The following CNOT1 variants were observed in gnomAD, a reference collection of about 807,000 sequenced individuals.
The protein encoded by CNOT1 is CCR4-associated factor 1.
In CNOT1, 15 loss-of-function variants were observed where a neutral mutation model predicts 273.8. The observed-to-expected ratio is 0.05, with a 90% CI of 0.04 to 0.08. The LOEUF (loss-of-function observed/expected upper bound fraction) is 0.08. Among genes scored for constraint, CNOT1 ranks in the 10% least tolerant of loss-of-function variants. The pLI is 1.00. For synonymous variants in CNOT1, 1,022 were observed against 1,005.5 expected, an observed-to-expected ratio of 1.02 and a Z score of -0.31; for missense variants, 1,644 against 2,912.2, an observed-to-expected ratio of 0.56 and a Z score of 10.02.
chr16:58,609,808 C>G (rs2042826576), intron 1 of CNOT1, among the ~76,000 whole-genome samples: 1 of 151,604 alleles, frequency 6.6e-6, no homozygotes, highest in Admixed American at 6.6e-5. Context: ...CTTCTTTTAT[C>G]ATGAAGGAAT....
chr16:58,609,381 C>T (rs1409734370), intron 1 of CNOT1, among the ~76,000 whole-genome samples: 1 of 147,554 alleles, frequency 6.8e-6, no homozygotes, highest in South Asian at 2.1e-4. Flanking sequence ...CAAAAAAAAA[C>T]ACAACAAAAT....
At position 58,629,185 on chromosome 16, in the gene CNOT1, TG is replaced by T. The variant is rs1466234695; in HGVS notation, c.-175+542del. Among the ~76,000 whole-genome samples the T allele has an allele frequency of 3.3e-5, 5 of 151,882 alleles. No individual in the cohort carries two copies. In the South Asian group the frequency reaches 1.0e-3, roughly 31 times the overall value. ...AACCTGGGGGGCTTTGACAACGTGC[TG>T]GGGGCGTAAGACGGGGAGAGTGGCA... On this transcript the variant is annotated intron_variant, in intron 1 of 48. Transcript: ENST00000317147.
chr16:58,584,771 G>A (rs1190283739), intron 8 of CNOT1, among the ~76,000 whole-genome samples: 2 of 152,070 alleles, frequency 1.3e-5, no homozygotes, highest in Admixed American at 6.6e-5. Context: ...TAAAACATAA[G>A]GATTTTTAAG....
intron 8 of CNOT1, among the ~76,000 whole-genome samples, chr16:58,584,159 CTCCGTCTCAAAAAAAAAAAAAAA>C: frequency 6.8e-6 from 1 of 146,792 alleles, no homozygotes; most frequent in Non-Finnish European, 1.5e-5. Flanking sequence ...CAGAGCAACA[CTCCGTCTCAAAAAAAAAAAAAAA>C]ATTCAGTGGA....
intron 18 of CNOT1, among the ~76,000 whole-genome samples, chr16:58,557,905 G>C (rs186302569): frequency 6.6e-6 from 1 of 152,050 alleles, no homozygotes; most frequent in Non-Finnish European, 1.5e-5. Flanking sequence ...CAGGAGAATC[G>C]CTTGAACCTG....
chr16:58,609,090 C>A (rs1248309816), intron 1 of CNOT1, among the ~76,000 whole-genome samples: 1 of 152,122 alleles, frequency 6.6e-6, no homozygotes, highest in African/African-American at 2.4e-5. Flanking sequence ...AAAGAACTTA[C>A]TCGCCAGGGG....
In CNOT1 at chr16:58,525,313, G is replaced by A; in HGVS notation, c.6650C>T (p.Ala2217Val). Residue 2217 changes from alanine to valine, a missense_variant, in exon 46 of 49, where the codon GCA (alanine) becomes GTA (valine). By Grantham distance (64) the Ala-to-Val change is moderately conservative (BLOSUM62 0). Around this residue, in one of 13 missense-constraint regions of CNOT1, gnomAD observed 140 missense variants for 324.6 expected, o/e 0.43. Coordinates refer to ENST00000317147, the MANE Select transcript of CNOT1 (RefSeq NM_016284.5). Reference sequence around the variant, plus strand: ...CTGAGTCCCGACATAGAGCACCAGTGCATTGATGAGCTGGAGGTTGTAGCG... The same window carrying A: ...CTGAGTCCCGACATAGAGCACCAGTACATTGATGAGCTGGAGGTTGTAGCG... ...GNRYNLQLIN[A>V]LVLYVGTQAI... 1.2e-6 allele frequency: 2 copies of A among 1,613,772 alleles called. No homozygotes were observed. Among genetic ancestry groups the A allele is most frequent in the Non-Finnish European group, 1.7e-6 (2 of 1,180,018 alleles).
intron 43 of CNOT1, 86 bp from the exon 44 acceptor site, chr16:58,528,734 CTCAAAAGAATGAAG>C (rs2039680020): frequency 2.3e-6 from 2 of 864,600 alleles, no homozygotes; most frequent in African/African-American, 1.7e-5. Flanking sequence ...CCCCACCCCC[CTCAAAAGAATGAAG>C]TATACTTTAG....
At chr16:58,566,375 A>C (rs1015197754) in intron 16 of CNOT1, among the ~76,000 whole-genome samples, 1 of 152,310 alleles carries the variant, frequency 6.6e-6, no homozygotes, top group Admixed American at 6.5e-5. Flanking sequence ...ATCTTATTAA[A>C]TTTTTCAACA....
In CNOT1 at chr16:58,599,481, AGG is replaced by A. The variant is rs1187731432; in HGVS notation, c.-146_-145del. 1.0e-6 allele frequency: 1 copy of A among 965,018 alleles called. No homozygotes were observed. Among genetic ancestry groups the A allele is most frequent in the African/African-American group, 1.6e-5 (1 of 60,736 alleles). The allele number at this position is 965,018 out of a possible 1,614,324, so 59.8% of individuals were successfully genotyped here. ...ATAATATCTTCAGTTCTTCTTTACC[AGG>A]GGTCTTACTCTGTTCTGAAACATGG... On this transcript the variant is annotated 5_prime_UTR_variant, in exon 2 of 49. It removes the in-frame stop codon of an upstream open reading frame in the 5' UTR. Transcript: ENST00000317147.
At chr16:58,523,692 A>G in intron 46 of CNOT1, 190 bp from the exon 47 acceptor site, 1 of 465,378 alleles carries the variant, frequency 2.1e-6, no homozygotes, top group Non-Finnish European at 3.8e-6. Context: ...CACATTAGAA[A>G]TTAGATTTTA....
In CNOT1 at chr16:58,543,241, A is replaced by G. The variant is rs575631990; in HGVS notation, c.4434+366T>C. 2,220 of 1,540,360 alleles carry G rather than the reference A, an allele frequency of 1.4e-3. 3 individuals carry two copies. The highest frequency in any genetic ancestry group is 1.7e-3 in the Non-Finnish European group (2,000 of 1,143,924). On this transcript the variant is annotated intron_variant, in intron 31 of 48. Coordinates refer to ENST00000317147, the MANE Select transcript of CNOT1 (RefSeq NM_016284.5). ...TATTTGAAAAGTGTGTGCACATGCA[A>G]CATCACTTTAAGTCATTTTGTATCG...
chr16:58,538,459 G>C (rs1245622106), intron 36 of CNOT1, among the ~76,000 whole-genome samples, 193 bp from the exon 37 acceptor site: 1 of 152,184 alleles, frequency 6.6e-6, no homozygotes, highest in African/African-American at 2.4e-5. Context: ...CTAGGATACA[G>C]AGTATTCCAT....
chr16:58,596,917 A>AC (rs2042281639), intron 2 of CNOT1, among the ~76,000 whole-genome samples: 1 of 119,832 alleles, frequency 8.3e-6, no homozygotes, highest in East Asian at 2.4e-4. Context: ...AAAAAAAAAA[A>AC]CAAAAGTCAA....
intron 1 of CNOT1, among the ~76,000 whole-genome samples, chr16:58,609,409 CAA>C (rs1468913651): frequency 6.6e-6 from 1 of 151,712 alleles, no homozygotes; most frequent in African/African-American, 2.4e-5. Context: ...AACAAAAAAA[CAA>C]AACTTACTCA....
At chr16:58,540,494 G>C (rs1407464770) in intron 34 of CNOT1, among the ~76,000 whole-genome samples, 1 of 152,184 alleles carries the variant, frequency 6.6e-6, no homozygotes, top group African/African-American at 2.4e-5. Flanking sequence ...ATAATATTCA[G>C]AAGTGTTATG....
At position 58,554,034 on chromosome 16, in the gene CNOT1, AT is replaced by A. The variant is rs1280733215; in HGVS notation, c.2892-175del. Among the ~76,000 whole-genome samples the A allele has an allele frequency of 3.3e-5, 5 of 152,312 alleles. No individual in the cohort carries two copies. In the East Asian group the frequency reaches 7.7e-4, roughly 24 times the overall value. On this transcript the variant is annotated intron_variant, in intron 21 of 48. Transcript: ENST00000317147. ...AAAATAGAAGGAGAAAATACTTATG[AT>A]TTTCACAGGATTTACATCAGAAAAT...
intron 16 of CNOT1, among the ~76,000 whole-genome samples, chr16:58,565,074 C>G (rs1311107975): frequency 6.6e-6 from 1 of 152,176 alleles, no homozygotes; most frequent in African/African-American, 2.4e-5. Flanking sequence ...CGCCCTGAAG[C>G]ATTGGTTTGG....
chr16:58,597,849 G>A, intron 2 of CNOT1: 1 of 380,220 alleles, frequency 2.6e-6, no homozygotes, highest in Non-Finnish European at 5.0e-6. Context: ...ACCATGACCA[G>A]CAAGGGCAAG....
Sources: gnomAD v4.1 joint callset for allele counts (sites outside exome capture counted in the v4.1 genomes callset) on GRCh38, gnomAD v4.1.1 for gene constraint, gnomAD v4.1.1 regional missense constraint, MANE v1.5 for transcripts, NCBI Gene and HGNC (gene_info 2026-07-23, HGNC 2026-07-21) for gene names.